Variants in HNF4A observed in about 807,000 individuals in gnomAD.
HNF4A encodes the protein hepatocyte nuclear factor 4-alpha.
In HNF4A, 15 loss-of-function variants were observed where a neutral mutation model predicts 52.4. That is an observed-to-expected ratio of 0.29 (90% CI 0.19 to 0.44). The LOEUF (loss-of-function observed/expected upper bound fraction) is 0.44, where lower values mean the gene tolerates loss of function less well. Ranked by LOEUF, HNF4A falls within the 20% of genes least tolerant of loss-of-function variation. The pLI is 1.00. For missense variants in HNF4A, 479 were observed against 647.2 expected (o/e 0.74, Z 2.82); for synonymous variants, 280 against 264.4 (o/e 1.06, Z -0.57).
intron 1 of HNF4A, among the ~76,000 whole-genome samples, chr20:44,405,062 G>A (rs1350275056): frequency 1.3e-4 from 4 of 30,304 alleles, no homozygotes; most frequent in Admixed American, 2.9e-4. Flanking sequence ...GGACTGTGTG[G>A]TGCGTGTGTG....
upstream of HNF4A, among the ~76,000 whole-genome samples, chr20:44,397,328 T>A (rs1157890773): frequency 1.3e-5 from 2 of 152,164 alleles, no homozygotes; most frequent in South Asian, 2.1e-4. Context: ...AAAAATCCCT[T>A]GGAGGAAGGG....
chr20:44,400,720 C>T (rs111598330), upstream of HNF4A, among the ~76,000 whole-genome samples: 33 of 152,314 alleles, frequency 2.2e-4, no homozygotes, highest in African/African-American at 6.7e-4. Context: ...ACTTCCAGTC[C>T]ATTCTGCTCC....
chr20:44,369,204 A>C (rs1245149689), intron 1 of HNF4A, among the ~76,000 whole-genome samples: 1 of 132,658 alleles, frequency 7.5e-6, no homozygotes, highest in Non-Finnish European at 1.5e-5. Flanking sequence ...AGCTGAGATC[A>C]CGCCATTGCA....
intron 1 of HNF4A, among the ~76,000 whole-genome samples, chr20:44,363,544 G>A (rs1037746682): frequency 1.3e-5 from 2 of 151,848 alleles, no homozygotes; most frequent in African/African-American, 4.8e-5. Context: ...ATAGATGGGG[G>A]CCTGTGTGGC....
upstream of HNF4A, among the ~76,000 whole-genome samples, chr20:44,398,267 T>A (rs1399252620): frequency 6.6e-6 from 1 of 152,262 alleles, no homozygotes; most frequent in Non-Finnish European, 1.5e-5. Flanking sequence ...TCATGTGTAT[T>A]CAGTTCTCTG....
At chr20:44,401,157 G>C (rs561993274), upstream of HNF4A, 4 of 1,418,916 alleles carry the variant, frequency 2.8e-6, no homozygotes, top group Non-Finnish European at 3.7e-6. Flanking sequence ...ATCCACCGGC[G>C]GGGGACCGAT....
intron 8 of HNF4A, chr20:44,424,548 G>C (rs2063792732): frequency 9.0e-7 from 1 of 1,113,358 alleles, no homozygotes; most frequent in Admixed American, 2.3e-5. Context: ...AGTATGTATG[G>C]ATGCGTGGAT....
chr20:44,406,107 T>C lies in HNF4A; in HGVS notation c.165T>C (p.Gly55=). ...ACCTCAACGCGCCCAACAGCCTGGG[T>C]GTCAGCGCCCTGTGTGCCATCTGCG... Residue 55 remains glycine (G), a synonymous_variant, in exon 2 of 10, where the codon GGT becomes GGC. Coordinates refer to ENST00000316099, the MANE Select transcript of HNF4A (RefSeq NM_000457.6). 2 of 1,613,512 alleles carry C rather than the reference T, an allele frequency of 1.2e-6. No individual in the cohort carries two copies. The highest frequency in any genetic ancestry group is 4.5e-5 in the East Asian group (2 of 44,874).
intron 1 of HNF4A, among the ~76,000 whole-genome samples, chr20:44,361,982 T>C (rs1300657197): frequency 6.6e-6 from 1 of 152,082 alleles, no homozygotes; most frequent in Non-Finnish European, 1.5e-5. Context: ...GGGAACAGCA[T>C]ATGAAAAGGC....
intron 1 of HNF4A, among the ~76,000 whole-genome samples, chr20:44,376,128 G>A (rs1315172792): frequency 2.0e-5 from 3 of 152,122 alleles, no homozygotes; most frequent in Non-Finnish European, 2.9e-5. Flanking sequence ...AGCCGGGCAT[G>A]GTGGCATGCA....
At chr20:44,428,589 G>A (rs2063840554) in intron 9 of HNF4A, 102 bp downstream of exon 9, 1 of 1,152,330 alleles carries the variant, frequency 8.7e-7, no homozygotes. Context: ...GGATGCAACA[G>A]TTTTCTGGGT....
At position 44,414,694 on chromosome 20, in the gene HNF4A, G is replaced by T. The variant is rs113391679; in HGVS notation, c.648+32G>T. 2.5e-5 allele frequency: 39 copies of T among 1,577,074 alleles called. No individual in the cohort carries two copies. In the African/African-American group the frequency reaches 2.7e-4, roughly 11 times the overall value. The stretch of plus-strand genomic sequence containing the variant: ...ATGGGCGTGGATGGTGGGCAGTAGT[G>T]GGCAGTGGGCGGGGCAGCCAGGGGG... On this transcript the variant is annotated intron_variant, in intron 5 of 9. Coordinates refer to ENST00000316099, the MANE Select transcript of HNF4A (RefSeq NM_000457.6).
In HNF4A at chr20:44,424,221, A is replaced by T; in HGVS notation, c.1096A>T (p.Ile366Phe). ...CATCAAGCTCTTCGGCATGGCCAAG[A>T]TTGACAACCTGTTGCAGGAGATGCT... The change falls in exon 8 of 10, where the codon ATT (isoleucine) becomes TTT (phenylalanine). Residue 366 changes from isoleucine (I) to phenylalanine (F), a missense_variant. By Grantham distance (21) the Ile-to-Phe change is conservative. This residue lies in a region of HNF4A where 389 missense variants were observed against 525.1 expected (regional missense o/e 0.74). Transcript: ENST00000316099. 1.2e-6 allele frequency: 2 copies of T among 1,614,120 alleles called. No homozygotes were observed. Among genetic ancestry groups the T allele is most frequent in the Non-Finnish European group, 1.7e-6 (2 of 1,180,014 alleles).
At chr20:44,434,522 G>GA (rs919705438), downstream of HNF4A, 41 of 149,314 alleles carry the variant, frequency 2.7e-4, 1 homozygote, top group Non-Finnish European at 2.9e-5. Context: ...CAAGCGCGGG[G>GA]GGGGGGGGGT....
At chr20:44,421,541 G>A (rs182277467) in intron 7 of HNF4A, among the ~76,000 whole-genome samples, 4 of 152,006 alleles carry the variant, frequency 2.6e-5, no homozygotes, top group African/African-American at 9.6e-5. Flanking sequence ...ATTACTTGAC[G>A]TCAGGAGTTC....
chr20:44,398,808 A>T (rs1333654155), upstream of HNF4A, among the ~76,000 whole-genome samples: 2 of 152,216 alleles, frequency 1.3e-5, no homozygotes, highest in East Asian at 3.8e-4. Context: ...TTGATCGTAG[A>T]CCTTATTTAA....
chr20:44,413,846 A>C (rs770503108), intron 4 of HNF4A, 46 bp downstream of exon 4: 4 of 1,302,906 alleles, frequency 3.1e-6, no homozygotes, highest in Non-Finnish European at 3.3e-6. Context: ...CCCACACTAC[A>C]GAGGAGCTCA....
intron 1 of HNF4A, chr20:44,402,613 A>G: frequency 7.3e-7 from 1 of 1,365,360 alleles, no homozygotes; most frequent in Non-Finnish European, 9.8e-7. Context: ...ACTGGAGCAT[A>G]TCTGGAGGGG....
Position 44,414,682 on chromosome 20 carries a change from G to C in HNF4A, c.648+20G>C, listed in dbSNP as rs370794722. On this transcript the variant is annotated intron_variant, in intron 5 of 9. Transcript: ENST00000316099. The stretch of plus-strand genomic sequence containing the variant: ...GACCAGGTGAGGATGGGCGTGGATG[G>C]TGGGCAGTAGTGGGCAGTGGGCGGG... 56 of 1,580,984 alleles carry C rather than the reference G, an allele frequency of 3.5e-5. No individual in the cohort carries two copies. In the African/African-American group the frequency reaches 6.8e-4, roughly 19 times the overall value.
Sources: gnomAD v4.1 joint callset for allele counts (sites outside exome capture counted in the v4.1 genomes callset) on GRCh38, gnomAD v4.1.1 for gene constraint, gnomAD v4.1.1 regional missense constraint, MANE v1.5 for transcripts, NCBI Gene and HGNC (gene_info 2026-07-23, HGNC 2026-07-21) for gene names.